Variants in ERBB4 observed in about 807,000 individuals in gnomAD.
The protein encoded by ERBB4 is erb-b2 receptor tyrosine kinase 4.
Under a neutral mutation model 158.0 loss-of-function variants are expected in ERBB4, and 42 were observed. The ratio of observed to expected loss-of-function variants is 0.27; its 90% confidence interval spans 0.21 to 0.34. The LOEUF is 0.34. Among genes scored for constraint, ERBB4 ranks in the 10% least tolerant of loss-of-function variants. ERBB4 has a pLI of 1.00. For missense variants in ERBB4, 1,333 were observed against 1,624.1 expected (o/e 0.82, Z 3.08); for synonymous variants, 583 against 558.7 (o/e 1.04, Z -0.61).
At chr2:211,464,433 C>A (rs1209391853) in intron 20 of ERBB4, among the ~76,000 whole-genome samples, 1 of 152,138 alleles carries the variant, frequency 6.6e-6, no homozygotes, top group Non-Finnish European at 1.5e-5. Flanking sequence ...TCTTCAATTT[C>A]ATCAATTTCA....
intron 20 of ERBB4, among the ~76,000 whole-genome samples, chr2:211,503,655 G>T (rs1396591698): frequency 6.6e-6 from 1 of 152,114 alleles, no homozygotes; most frequent in Non-Finnish European, 1.5e-5. Flanking sequence ...AACGGGTCAG[G>T]CCTGCTTCTT....
At chr2:211,723,312 A>G (rs951273328) in intron 6 of ERBB4, among the ~76,000 whole-genome samples, 2 of 152,314 alleles carry the variant, frequency 1.3e-5, no homozygotes, top group South Asian at 4.1e-4. Context: ...AAAACAGAAT[A>G]TATGTGTAAG....
chr2:212,127,479 C>G (rs2079973306), intron 1 of ERBB4, among the ~76,000 whole-genome samples: 1 of 152,106 alleles, frequency 6.6e-6, no homozygotes, highest in African/African-American at 2.4e-5. Context: ...GTAGTCCCAG[C>G]TACTCGGGAG....
intron 4 of ERBB4, 60 bp from the exon 5 acceptor site, chr2:211,750,764 G>A: frequency 7.2e-7 from 1 of 1,393,092 alleles, no homozygotes; most frequent in South Asian, 1.2e-5. Context: ...TCCTTGACTA[G>A]GAGTAACTCC....
At chr2:211,786,198 A>G (rs1485145433) in intron 4 of ERBB4, among the ~76,000 whole-genome samples, 1 of 152,178 alleles carries the variant, frequency 6.6e-6, no homozygotes, top group Non-Finnish European at 1.5e-5. Flanking sequence ...GGTGGTATGT[A>G]GTTCTAGGGA....
intron 1 of ERBB4, among the ~76,000 whole-genome samples, chr2:212,299,845 A>T (rs1343198870): frequency 6.6e-6 from 1 of 151,636 alleles, no homozygotes; most frequent in Non-Finnish European, 1.5e-5. Context: ...TCTTTTGTGC[A>T]TAATACTGCT....
At chr2:211,962,736 G>A (rs1441667996) in intron 2 of ERBB4, among the ~76,000 whole-genome samples, 1 of 152,096 alleles carries the variant, frequency 6.6e-6, no homozygotes, top group African/African-American at 2.4e-5. Context: ...TCTTTTTGAG[G>A]TGGAATACAA....
intron 3 of ERBB4, among the ~76,000 whole-genome samples, chr2:211,879,756 T>C (rs1040300764): frequency 6.6e-6 from 1 of 151,548 alleles, no homozygotes; most frequent in East Asian, 1.9e-4. Context: ...CATCAGAGAG[T>C]TTGGTTAAGT....
chr2:212,074,440 C>T (rs78213330), intron 2 of ERBB4, among the ~76,000 whole-genome samples: 9,140 of 151,834 alleles, frequency 0.06, 345 homozygotes, highest in South Asian at 0.12. Context: ...CAGGTTAATC[C>T]CATATTTATT....
At chr2:211,804,812 C>A (rs2076578451) in intron 3 of ERBB4, among the ~76,000 whole-genome samples, 1 of 152,130 alleles carries the variant, frequency 6.6e-6, no homozygotes, top group Admixed American at 6.5e-5. Flanking sequence ...CTTTAACTGT[C>A]CATTTTAGAG....
chr2:211,428,119 C>A lies in ERBB4; in HGVS notation c.2719+289G>T, dbSNP rs554059532. On this transcript the variant is annotated intron_variant, in intron 22 of 27. Transcript: ENST00000342788. Reference sequence around the variant, plus strand: ...TACCTAATGCATGCAGGGCTTAAAACCTAGATGACGGGTTGATAGGTACAG... The same window carrying A: ...TACCTAATGCATGCAGGGCTTAAAAACTAGATGACGGGTTGATAGGTACAG... Among the ~76,000 whole-genome samples, 21 of 151,848 alleles carry A rather than the reference C, an allele frequency of 1.4e-4. 1 individual carries two copies. In the East Asian group the frequency reaches 4.1e-3, roughly 29 times the overall value.
At chr2:211,977,049 G>A (rs1374799080) in intron 2 of ERBB4, among the ~76,000 whole-genome samples, 1 of 152,130 alleles carries the variant, frequency 6.6e-6, no homozygotes, top group Admixed American at 6.5e-5. Flanking sequence ...CAATCAAGAA[G>A]AAAGGGAAGA....
intron 3 of ERBB4, among the ~76,000 whole-genome samples, chr2:211,933,796 C>T (rs974640543): frequency 6.6e-5 from 10 of 152,000 alleles, no homozygotes; most frequent in Admixed American, 2.6e-4. Context: ...CTTAATATCG[C>T]ATCTACGATC....
At chr2:212,480,928 A>G (rs549464646) in intron 1 of ERBB4, among the ~76,000 whole-genome samples, 14 of 152,000 alleles carry the variant, frequency 9.2e-5, no homozygotes, top group Admixed American at 3.9e-4. Flanking sequence ...TTTAATTTAC[A>G]TAAACATAAT....
chr2:212,385,779 T>C (rs546756749), intron 1 of ERBB4, among the ~76,000 whole-genome samples: 2 of 152,028 alleles, frequency 1.3e-5, no homozygotes, highest in Non-Finnish European at 2.9e-5. Context: ...AGTAATCCTA[T>C]ACTTGAGGTA....
intron 3 of ERBB4, among the ~76,000 whole-genome samples, chr2:211,913,487 G>A (rs182660778): frequency 1.7e-4 from 26 of 152,114 alleles, no homozygotes; most frequent in Admixed American, 1.6e-3. Context: ...TGTCATCCCA[G>A]CTACATAGGA....
chr2:212,520,393 G>T (rs1355894962), intron 1 of ERBB4, among the ~76,000 whole-genome samples: 2 of 151,712 alleles, frequency 1.3e-5, no homozygotes, highest in African/African-American at 2.4e-5. Flanking sequence ...TATTTTATTG[G>T]GTTACTATTC....
chr2:212,317,576 T>A (rs1262185656), intron 1 of ERBB4, among the ~76,000 whole-genome samples: 2 of 151,606 alleles, frequency 1.3e-5, no homozygotes, highest in Non-Finnish European at 1.5e-5. Context: ...TGTATTATAC[T>A]ATATAGCCAA....
At chr2:211,843,363 C>T (rs2077516894) in intron 3 of ERBB4, among the ~76,000 whole-genome samples, 1 of 151,932 alleles carries the variant, frequency 6.6e-6, no homozygotes, top group Non-Finnish European at 1.5e-5. Flanking sequence ...GCTTTTTTAG[C>T]TGTCGGTACT....
Sources: allele counts gnomAD v4.1 joint callset (sites outside exome capture counted in the v4.1 genomes callset), GRCh38; gene constraint gnomAD v4.1.1; transcripts MANE v1.5; gene names NCBI Gene and HGNC (gene_info 2026-07-23, HGNC 2026-07-21).